SPRING1: variants seen among roughly 807,000 people sequenced by gnomAD.
SPRING1 encodes the protein SREBP regulating gene protein.
Under a neutral mutation model 24.7 loss-of-function variants are expected in SPRING1, and 14 were observed. That is an observed-to-expected ratio of 0.57 (90% CI 0.37 to 0.88). SPRING1 has a LOEUF of 0.88. Ranked by LOEUF, SPRING1 falls within the 40% of genes least tolerant of loss-of-function variation. The pLI is 0.00. For synonymous variants in SPRING1, 93 were observed against 106.1 expected (o/e 0.88, Z 0.76); for missense variants, 255 against 268.4 (o/e 0.95, Z 0.35).
chr12:116,732,221 G>A (rs1379595610), intron 1 of SPRING1, among the ~76,000 whole-genome samples: 1 of 152,192 alleles, frequency 6.6e-6, no homozygotes, highest in Non-Finnish European at 1.5e-5. Flanking sequence ...AAGTATCCTG[G>A]TATTTCAAGA....
Position 116,737,807 on chromosome 12 carries a change from T to C in SPRING1, c.94A>G (p.Ser32Gly). 1.3e-6 allele frequency: 2 copies of C among 1,593,610 alleles called. No homozygotes were observed. The highest frequency in any genetic ancestry group is 1.7e-6 in the Non-Finnish European group (2 of 1,169,730). The change falls in exon 1 of 5, where the codon AGC (serine) becomes GGC (glycine). Residue 32 changes from serine (S) to glycine (G), a missense_variant. Ser to Gly is a moderately conservative substitution (Grantham distance 56). Transcript: ENST00000261318. Reference protein sequence around the residue: ...VFGLSLVYFLSSTFKQEERAV... With the variant: ...VFGLSLVYFLGSTFKQEERAV... ...CCACTGACCTGCTTGAAGGTGCTGC[T>C]GAGGAAGTAGACGAGCGACAGCCCG...
intron 1 of SPRING1, among the ~76,000 whole-genome samples, chr12:116,726,186 A>G (rs775777087): frequency 6.6e-6 from 1 of 152,232 alleles, no homozygotes; most frequent in Non-Finnish European, 1.5e-5. Flanking sequence ...GCCATCATTT[A>G]GTAAACACAT....
Position 116,728,292 on chromosome 12 carries a change from T to A in SPRING1, c.112-5069A>T, listed in dbSNP as rs1371645645. 6.6e-6 allele frequency among the ~76,000 whole-genome samples: 1 copy of A among 152,214 alleles called. No homozygotes were observed. The highest frequency in any genetic ancestry group is 2.4e-5 in the African/African-American group (1 of 41,448). On this transcript the variant is annotated intron_variant, in intron 1 of 4. Transcript: ENST00000261318. The surrounding 1 kb of genome is among the most constrained non-coding windows in gnomAD (Gnocchi z 4.2). ...TTTGCTTATTTACTATCTCTCCTCC[T>A]TACCCGCTAGTGGAATATAGGCTCT...
chr12:116,720,466 C>A lies in SPRING1; in HGVS notation c.269-19G>T, dbSNP rs1173065601. ...ACGTAGCCTGAAAGTCAGAGACCAACCTTAGCATAAAACCAGCAGCCTTGC... is the reference window on the plus strand; with the variant it reads ...ACGTAGCCTGAAAGTCAGAGACCAAACTTAGCATAAAACCAGCAGCCTTGC... On this transcript the variant is annotated intron_variant, in intron 2 of 4. Coordinates refer to ENST00000261318, the MANE Select transcript of SPRING1 (RefSeq NM_024738.4). This position sits in a 1 kb window ranked among gnomAD's most constrained non-coding sequence, Gnocchi z 4.0. 3.1e-6 allele frequency: 5 copies of A among 1,612,080 alleles called. No individual in the cohort carries two copies.
chr12:116,720,234 T>A lies in SPRING1; in HGVS notation c.420+62A>T. On this transcript the variant is annotated intron_variant, in intron 3 of 4. Coordinates refer to ENST00000261318, the MANE Select transcript of SPRING1 (RefSeq NM_024738.4). The surrounding 1 kb of genome is among the most constrained non-coding windows in gnomAD (Gnocchi z 4.0). ...GAATCTCACATGAAGAGCCTAATGC[T>A]CATCATAAAACAGAGGCCGAAAGAA... 1.3e-6 allele frequency: 2 copies of A among 1,525,708 alleles called. No homozygotes were observed. The allele number at this position is 1,525,708 out of a possible 1,614,324, so 94.5% of individuals were successfully genotyped here.
intron 1 of SPRING1, among the ~76,000 whole-genome samples, chr12:116,723,576 A>C (rs908033432): frequency 6.6e-6 from 1 of 152,236 alleles, no homozygotes; most frequent in East Asian, 1.9e-4. Context: ...TATTTTTCAC[A>C]TTAAAACAAA....
At position 116,711,028 on chromosome 12, in the gene SPRING1, C is replaced by CACACAT. The variant is rs1555254868; in HGVS notation, c.*6781_*6782insATGTGT. 1.4e-4 allele frequency: 21 copies of CACACAT among 151,884 alleles called. No individual in the cohort carries two copies. Among genetic ancestry groups the CACACAT allele is most frequent in the African/African-American group, 4.8e-4 (20 of 41,336 alleles). The allele number at this position is 151,884 out of a possible 1,614,324, so 9.4% of individuals were successfully genotyped here. ...TGTTACACACACACACACACACACA[C>CACACAT]GCACACACAGAGCCAATGTATGGAA... On this transcript the variant is annotated 3_prime_UTR_variant, in exon 5 of 5. Transcript: ENST00000261318.
intron 1 of SPRING1, among the ~76,000 whole-genome samples, chr12:116,730,965 CT>C (rs1870945781): frequency 6.6e-6 from 1 of 152,174 alleles, no homozygotes; most frequent in Non-Finnish European, 1.5e-5. Context: ...ATCAGTTGTT[CT>C]TTCAAGAAAA....
At position 116,714,390 on chromosome 12, in the gene SPRING1, G is replaced by A. The variant is rs1384958029; in HGVS notation, c.*3420C>T. 1 of 152,256 alleles carries A rather than the reference G, an allele frequency of 6.6e-6. No individual in the cohort carries two copies. Among genetic ancestry groups the A allele is most frequent in the Non-Finnish European group, 1.5e-5 (1 of 68,050 alleles). 9.4% of individuals were successfully genotyped at this position (152,256 alleles called of 1,614,324 possible). ...GATTCCCTTGGGGCCAGTGCCGACT[G>A]AGGCATCTCCAGGAGGCCCCAGTTG... On this transcript the variant is annotated 3_prime_UTR_variant, in exon 5 of 5. Coordinates refer to ENST00000261318, the MANE Select transcript of SPRING1 (RefSeq NM_024738.4).
chr12:116,729,199 A>C (rs1273233430), intron 1 of SPRING1, among the ~76,000 whole-genome samples: 3 of 150,382 alleles, frequency 2.0e-5, no homozygotes, highest in African/African-American at 7.4e-5. Flanking sequence ...TATATTCAAT[A>C]TCTGTCACAA....
At chr12:116,733,746 GCT>G (rs1871105367) in intron 1 of SPRING1, among the ~76,000 whole-genome samples, 1 of 152,156 alleles carries the variant, frequency 6.6e-6, no homozygotes, top group Admixed American at 6.5e-5. Flanking sequence ...TGTGTGGACA[GCT>G]GACAGTAGTA....
Position 116,728,626 on chromosome 12 carries a change from A to C in SPRING1, c.112-5403T>G, listed in dbSNP as rs1047448953. On this transcript the variant is annotated intron_variant, in intron 1 of 4. Coordinates refer to ENST00000261318, the MANE Select transcript of SPRING1 (RefSeq NM_024738.4). The surrounding 1 kb of genome is among the most constrained non-coding windows in gnomAD (Gnocchi z 4.2). ...CAAAAGCTGCCGCATCTGCGCCATG[A>C]GTTTCCAGTCTCACCGCAGCGGAGC... Among the ~76,000 whole-genome samples, 1 of 152,234 alleles carries C rather than the reference A, an allele frequency of 6.6e-6. No individual in the cohort carries two copies. Among genetic ancestry groups the C allele is most frequent in the African/African-American group, 2.4e-5 (1 of 41,462 alleles).
Position 116,723,221 on chromosome 12 carries a change from C to G in SPRING1, c.114G>C (p.Glu38Asp). The G allele has an allele frequency of 1.2e-6, 2 of 1,614,118 alleles. No homozygotes were observed. Among genetic ancestry groups the G allele is most frequent in the Non-Finnish European group, 1.7e-6 (2 of 1,180,010 alleles). Residue 38 changes from glutamate (E) to aspartate (D), a missense_variant and splice_region_variant, in exon 2 of 5, where the codon GAG (glutamate) becomes GAC (aspartate). Transcript: ENST00000261318. ...GATTCCTATCTCTCACTGCCCTCTCCTCCTGCAAAGAAACCATAAGTGAGA... is the reference window on the plus strand; with the variant it reads ...GATTCCTATCTCTCACTGCCCTCTCGTCCTGCAAAGAAACCATAAGTGAGA... Reference protein sequence around the residue: ...VYFLSSTFKQEERAVRDRNLL... With the variant: ...VYFLSSTFKQDERAVRDRNLL...
intron 1 of SPRING1, among the ~76,000 whole-genome samples, chr12:116,732,777 A>G (rs1209783868): frequency 6.6e-6 from 1 of 152,200 alleles, no homozygotes; most frequent in African/African-American, 2.4e-5. Context: ...TATGTTACCC[A>G]TTTCATCTCT....
Position 116,720,023 on chromosome 12 carries a change from G to A in SPRING1, c.421-147C>T. On this transcript the variant is annotated intron_variant, in intron 3 of 4. Transcript: ENST00000261318. The surrounding 1 kb of genome is among the most constrained non-coding windows in gnomAD (Gnocchi z 4.0). ...GAGGGAGGGGAAAGGACACACGCGTGCACACACGTGCATGCCAAAACACCC... is the reference window on the plus strand; with the variant it reads ...GAGGGAGGGGAAAGGACACACGCGTACACACACGTGCATGCCAAAACACCC... The A allele has an allele frequency of 1.4e-6, 1 of 736,298 alleles. No individual in the cohort carries two copies. Among genetic ancestry groups the A allele is most frequent in the Non-Finnish European group, 2.2e-6 (1 of 446,862 alleles). The allele number at this position is 736,298 out of a possible 1,614,324, so 45.6% of individuals were successfully genotyped here.
rs1215948869 is a variant in SPRING1, at chr12:116,711,029, G to GCA, written c.*6779_*6780dup. 1.2e-5 allele frequency: 1 copy of GCA among 86,488 alleles called. No individual in the cohort carries two copies. Among genetic ancestry groups the GCA allele is most frequent in the Admixed American group, 1.0e-4 (1 of 9,658 alleles). 5.4% of individuals were successfully genotyped at this position (86,488 alleles called of 1,614,324 possible). ...GTTACACACACACACACACACACACGCACACACAGAGCCAATGTATGGAAA... is the reference window on the plus strand; with the variant it reads ...GTTACACACACACACACACACACACGCACACACACAGAGCCAATGTATGGAAA... On this transcript the variant is annotated 3_prime_UTR_variant, in exon 5 of 5. Transcript: ENST00000261318.
chr12:116,718,844 A>C (rs1870277701), intron 4 of SPRING1, among the ~76,000 whole-genome samples: 1 of 152,262 alleles, frequency 6.6e-6, no homozygotes, highest in Non-Finnish European at 1.5e-5. Flanking sequence ...AAGCAAAACA[A>C]GACCATCAGG....
rs1370970371 is a variant in SPRING1 at position 116,737,756 on chromosome 12, AGGGAAGGGGAGGAG to A, written c.111+20_111+33del. 6 of 1,410,590 alleles carry A rather than the reference AGGGAAGGGGAGGAG, an allele frequency of 4.3e-6. No homozygotes were observed. In the Admixed American group the frequency reaches 1.1e-4, roughly 25 times the overall value. The allele number at this position is 1,410,590 out of a possible 1,614,324, so 87.4% of individuals were successfully genotyped here. ...AGTAAGGGGGAGGAAGGAAGGAAGA[AGGGAAGGGGAGGAG>A]GGGAAGGGCGGCCACTGACCTGCTT... On this transcript the variant is annotated intron_variant, in intron 1 of 4. Transcript: ENST00000261318.
intron 1 of SPRING1, among the ~76,000 whole-genome samples, chr12:116,734,196 A>C (rs1380306888): frequency 6.6e-6 from 1 of 152,184 alleles, no homozygotes; most frequent in African/African-American, 2.4e-5. Flanking sequence ...TCTTTTATAC[A>C]GTATTTTTAC....
Sources: allele counts gnomAD v4.1 joint callset (sites outside exome capture counted in the v4.1 genomes callset), GRCh38; gene constraint gnomAD v4.1.1; non-coding constraint Gnocchi (gnomAD v3.1); transcripts MANE v1.5; gene names NCBI Gene and HGNC (gene_info 2026-07-23, HGNC 2026-07-21).